Variants in CUX1 observed in about 807,000 individuals in gnomAD.
The protein encoded by CUX1 is protein CASP.
A neutral mutation model predicts 158.8 loss-of-function variants in CUX1; 31 were observed. The ratio of observed to expected loss-of-function variants is 0.20; its 90% CI spans 0.15 to 0.26. CUX1 has a LOEUF of 0.26. Among genes scored for constraint, CUX1 ranks in the 10% least tolerant of loss-of-function variants. The pLI, the probability that CUX1 is intolerant of heterozygous loss-of-function variation, is 1.00. For synonymous variants in CUX1, 879 were observed against 862.1 expected (o/e 1.02, Z -0.34); for missense variants, 1,589 against 2,014.6 (o/e 0.79, Z 4.04).
At chr7:101,967,654 T>C (rs1397045029) in intron 2 of CUX1, among the ~76,000 whole-genome samples, 2 of 152,174 alleles carry the variant, frequency 1.3e-5, no homozygotes, top group East Asian at 3.8e-4. Context: ...TAAACCACAT[T>C]CTTGAAATGG....
Position 102,203,022 on chromosome 7 carries a change from A to C in CUX1, c.2907+818A>C, listed in dbSNP as rs143833874. Among the ~76,000 whole-genome samples, 1,293 of 152,302 alleles carry C rather than the reference A, an allele frequency of 8.5e-3. 10 individuals carry two copies. The highest frequency in any genetic ancestry group is 0.03 in the African/African-American group (1,236 of 41,560). On this transcript the variant is annotated intron_variant, in intron 18 of 23. Transcript: ENST00000292535. ...CACTCTGTCGCCCATGCTAGAGTGCAGTGACGCTATCTCGGCTCACTGCAA... is the reference window on the plus strand; with the variant it reads ...CACTCTGTCGCCCATGCTAGAGTGCCGTGACGCTATCTCGGCTCACTGCAA...
At chr7:101,834,541 C>T (rs1481451501) in intron 1 of CUX1, among the ~76,000 whole-genome samples, 2 of 152,044 alleles carry the variant, frequency 1.3e-5, no homozygotes, top group Admixed American at 6.6e-5. Context: ...TTAAAAAGTT[C>T]CTTTTTTTAG....
At chr7:102,052,093 C>T (rs993362730) in intron 3 of CUX1, among the ~76,000 whole-genome samples, 3 of 151,958 alleles carry the variant, frequency 2.0e-5, no homozygotes, top group African/African-American at 7.3e-5. Flanking sequence ...TGGTGGTGGG[C>T]GCCTGTAATC....
At chr7:102,047,784 A>G (rs1057084863) in intron 3 of CUX1, among the ~76,000 whole-genome samples, 1 of 151,914 alleles carries the variant, frequency 6.6e-6, no homozygotes, top group Non-Finnish European at 1.5e-5. Context: ...CCTTGGAAAA[A>G]CTCAATATGG....
intron 4 of CUX1, among the ~76,000 whole-genome samples, chr7:102,080,926 C>T (rs1366560578): frequency 6.6e-6 from 1 of 152,220 alleles, no homozygotes; most frequent in Non-Finnish European, 1.5e-5. Flanking sequence ...GATCCCACTG[C>T]GCACGCCAGA....
chr7:102,041,256 C>CTTTT (rs11427183), intron 3 of CUX1, among the ~76,000 whole-genome samples: 925 of 69,908 alleles, frequency 0.013, 232 homozygotes, highest in Non-Finnish European at 0.018. Context: ...CTTATCCATT[C>CTTTT]TTTTTTTTTT....
intron 1 of CUX1, among the ~76,000 whole-genome samples, chr7:101,882,768 T>A (rs1455685771): frequency 6.6e-6 from 1 of 152,166 alleles, no homozygotes. Context: ...CCAGCCCCTC[T>A]CTGTGGGCGT....
rs193211904 is a variant in CUX1, at chr7:101,922,993, C to T, written c.141+6768C>T. ...AGTGTCTCTTAGCTTTTCCGTTTGC[C>T]GTTTGCTTTTCCATGGCTTTGATCG... On this transcript the variant is annotated intron_variant, in intron 2 of 23. Transcript: ENST00000292535. 9.8e-5 allele frequency among the ~76,000 whole-genome samples: 15 copies of T among 152,350 alleles called. No homozygotes were observed. In the East Asian group the frequency reaches 2.3e-3, roughly 24 times the overall value.
chr7:102,113,680 C>G (rs1831167308), intron 7 of CUX1, among the ~76,000 whole-genome samples: 1 of 152,208 alleles, frequency 6.6e-6, no homozygotes, highest in Non-Finnish European at 1.5e-5. Context: ...GCCTCAGCCT[C>G]CCAAGTAGCT....
intron 6 of CUX1, among the ~76,000 whole-genome samples, chr7:102,109,424 C>T (rs984278481): frequency 6.6e-6 from 1 of 152,146 alleles, no homozygotes; most frequent in Non-Finnish European, 1.5e-5. Flanking sequence ...AACACACTTA[C>T]ATATTGTTGG....
At chr7:101,996,614 C>T (rs1815931233) in intron 2 of CUX1, among the ~76,000 whole-genome samples, 1 of 151,474 alleles carries the variant, frequency 6.6e-6, no homozygotes, top group Non-Finnish European at 1.5e-5. Flanking sequence ...TTATGCCTGA[C>T]TCCTTTCCTC....
chr7:101,924,554 C>CT (rs1243592611), intron 2 of CUX1, among the ~76,000 whole-genome samples: 1 of 150,792 alleles, frequency 6.6e-6, no homozygotes, highest in Non-Finnish European at 1.5e-5. Context: ...ATCCCAATTA[C>CT]TTTTTTCCTT....
At chr7:101,905,146 T>C (rs1295762874) in intron 1 of CUX1, among the ~76,000 whole-genome samples, 1 of 152,178 alleles carries the variant, frequency 6.6e-6, no homozygotes, top group Non-Finnish European at 1.5e-5. Flanking sequence ...CTCCCTCGTT[T>C]TGTAGTAGCC....
chr7:101,886,428 T>C (rs547557891), intron 1 of CUX1, among the ~76,000 whole-genome samples: 1 of 152,314 alleles, frequency 6.6e-6, no homozygotes, highest in South Asian at 2.1e-4. Context: ...CTCAATCTTC[T>C]GGGTTCAAGT....
In CUX1 at chr7:101,871,030, A is replaced by G. The variant is rs560845701; in HGVS notation, c.31-45085A>G. 8.5e-5 allele frequency among the ~76,000 whole-genome samples: 13 copies of G among 152,326 alleles called. No individual in the cohort carries two copies. The East Asian group carries it at 2.3e-3, about 27-fold the overall frequency. ...TAGGAGAGCGGGTGTTGCCCAGAGC[A>G]GGGCGGACACCCCTGTTCCCTGTCA... On this transcript the variant is annotated intron_variant, in intron 1 of 23. Transcript: ENST00000292535.
chr7:102,030,291 C>T (rs575900861), intron 3 of CUX1, among the ~76,000 whole-genome samples: 38 of 152,264 alleles, frequency 2.5e-4, no homozygotes, highest in African/African-American at 8.4e-4. Context: ...GGATTACAGG[C>T]GTGAGCCACT....
chr7:102,111,818 C>T (rs1554490215), intron 7 of CUX1, 44 bp downstream of exon 7: 1 of 1,578,116 alleles, frequency 6.3e-7, no homozygotes, highest in East Asian at 2.2e-5. Context: ...GGGGAGGACC[C>T]AGGGGGAGAG....
chr7:102,144,768 T>G (rs909406126), intron 8 of CUX1, among the ~76,000 whole-genome samples: 1 of 151,878 alleles, frequency 6.6e-6, no homozygotes, highest in Non-Finnish European at 1.5e-5. Context: ...GCCCCCAAAC[T>G]TCATAATGGT....
At chr7:102,182,464 C>T (rs1416703062) in intron 11 of CUX1, among the ~76,000 whole-genome samples, 1 of 152,178 alleles carries the variant, frequency 6.6e-6, no homozygotes, top group Non-Finnish European at 1.5e-5. Context: ...TGTTATTTCA[C>T]AAGGATACCA....
Sources: gnomAD v4.1 joint callset for allele counts (sites outside exome capture counted in the v4.1 genomes callset) on GRCh38, gnomAD v4.1.1 for gene constraint, MANE v1.5 for transcripts, NCBI Gene and HGNC (gene_info 2026-07-23, HGNC 2026-07-21) for gene names.